The following LUC7L variants were observed in gnomAD, a reference collection of about 807,000 sequenced individuals.
LUC7L encodes the protein putative RNA-binding protein Luc7-like 1.
A neutral mutation model predicts 51.1 loss-of-function variants in LUC7L; 29 were observed. The ratio of observed to expected loss-of-function variants is 0.57; its 90% CI spans 0.42 to 0.77. The LOEUF (loss-of-function observed/expected upper bound fraction) is 0.77, where lower values mean the gene tolerates loss of function less well. Ranked by LOEUF, LUC7L falls within the 30% of genes least tolerant of loss-of-function variation. The pLI, the probability that LUC7L is intolerant of heterozygous loss-of-function variation, is 0.00. For missense variants in LUC7L, 403 were observed against 511.9 expected (o/e 0.79, Z 2.05); for synonymous variants, 181 against 180.7 (o/e 1.00, Z -0.01).
chr16:202,526 T>A (rs1457681434), intron 5 of LUC7L, among the ~76,000 whole-genome samples: 1 of 152,188 alleles, frequency 6.6e-6, no homozygotes, highest in Non-Finnish European at 1.5e-5. Context: ...GGGCCCACTG[T>A]GTTGCAACTG....
intron 5 of LUC7L, among the ~76,000 whole-genome samples, chr16:205,712 C>A (rs2049465082): frequency 6.6e-6 from 1 of 152,202 alleles, no homozygotes; most frequent in African/African-American, 2.4e-5. Context: ...TCCTCAGCCT[C>A]CGGAGCAGCT....
intron 3 of LUC7L, among the ~76,000 whole-genome samples, chr16:210,907 C>T (rs1344944170): frequency 2.6e-5 from 4 of 151,748 alleles, no homozygotes; most frequent in Admixed American, 6.6e-5. Flanking sequence ...AAAAATTAGC[C>T]GGGCGTGGTG....
chr16:198,427 G>T (rs1455792878), intron 6 of LUC7L, among the ~76,000 whole-genome samples: 1 of 152,034 alleles, frequency 6.6e-6, no homozygotes, highest in Non-Finnish European at 1.5e-5. Flanking sequence ...CATAGGCAAG[G>T]AGCCAGGATG....
chr16:189,542 T>G, intron 9 of LUC7L: 2 of 1,388,844 alleles, frequency 1.4e-6, no homozygotes, highest in Non-Finnish European at 1.9e-6. Flanking sequence ...CGAAGATTTT[T>G]AATAAGGAGA....
intron 3 of LUC7L, among the ~76,000 whole-genome samples, chr16:219,165 C>T (rs577999509): frequency 3.3e-5 from 5 of 151,556 alleles, no homozygotes; most frequent in East Asian, 1.9e-4. Context: ...CCGAGGCAGG[C>T]GGATCACAAG....
chr16:210,517 G>C (rs953266712), intron 3 of LUC7L, among the ~76,000 whole-genome samples: 1 of 152,114 alleles, frequency 6.6e-6, no homozygotes, highest in Non-Finnish European at 1.5e-5. Flanking sequence ...GCTTACCTCA[G>C]ACAACAGCCC....
intron 6 of LUC7L, among the ~76,000 whole-genome samples, chr16:198,142 G>A (rs1196993634): frequency 6.6e-6 from 1 of 151,810 alleles, no homozygotes; most frequent in Non-Finnish European, 1.5e-5. Flanking sequence ...AGCCGGGCGT[G>A]GTGGCAGGCA....
chr16:209,290 G>A (rs2049572449), intron 3 of LUC7L: 1 of 152,174 alleles, frequency 6.6e-6, no homozygotes, highest in Non-Finnish European at 1.5e-5. Context: ...AGAGGTTCAA[G>A]ACCAGCCTTC....
intron 1 of LUC7L, chr16:227,932 C>G: frequency 1.0e-6 from 1 of 1,002,638 alleles, no homozygotes; most frequent in Non-Finnish European, 1.2e-6. Context: ...CCAAAAAAAG[C>G]AAAAAAGGAA....
chr16:198,694 GT>G (rs959447666), intron 6 of LUC7L, among the ~76,000 whole-genome samples: 9 of 147,744 alleles, frequency 6.1e-5, no homozygotes, highest in Admixed American at 2.0e-4. Flanking sequence ...AATGTTTTTT[GT>G]TTTTTTTTTG....
chr16:192,463 GTGTTT>G (rs953207114), intron 7 of LUC7L, among the ~76,000 whole-genome samples: 18 of 150,056 alleles, frequency 1.2e-4, no homozygotes, highest in African/African-American at 3.9e-4. Context: ...GCGCTGGGAC[GTGTTT>G]TGTTTTGTTT....
chr16:197,619 G>C (rs949393531), intron 6 of LUC7L, among the ~76,000 whole-genome samples: 1 of 152,178 alleles, frequency 6.6e-6, no homozygotes, highest in East Asian at 1.9e-4. Flanking sequence ...AATGTTTCAA[G>C]ACCAGTGGCC....
chr16:217,207 G>C (rs2049827513), intron 3 of LUC7L, among the ~76,000 whole-genome samples: 1 of 151,900 alleles, frequency 6.6e-6, no homozygotes, highest in South Asian at 2.1e-4. Flanking sequence ...AGAAGAGGCA[G>C]CGTTTCACCA....
chr16:221,392 T>A (rs948809606), intron 2 of LUC7L, among the ~76,000 whole-genome samples: 2 of 151,838 alleles, frequency 1.3e-5, no homozygotes, highest in African/African-American at 2.4e-5. Flanking sequence ...TGGCAGCATG[T>A]GGGGTGGCAG....
chr16:200,593 T>A (rs2049295980), intron 5 of LUC7L, among the ~76,000 whole-genome samples: 1 of 151,550 alleles, frequency 6.6e-6, no homozygotes, highest in African/African-American at 2.4e-5. Flanking sequence ...AAAAAAATTG[T>A]ATTCCAGGCC....
intron 2 of LUC7L, 86 bp from the exon 3 acceptor site, chr16:220,833 C>T: frequency 1.2e-6 from 1 of 814,284 alleles, no homozygotes; most frequent in Admixed American, 2.2e-5. Context: ...CAACTGTCAC[C>T]AACAGAAATG....
chr16:189,417 C>G (rs879463401), intron 9 of LUC7L, 78 bp from the exon 10 acceptor site: 4 of 1,509,334 alleles, frequency 2.7e-6, no homozygotes, highest in Non-Finnish European at 1.8e-6. Context: ...ACGATGGACC[C>G]GCAGACCAGG....
chr16:196,859 T>C (rs1033758307), intron 6 of LUC7L, among the ~76,000 whole-genome samples: 3 of 151,142 alleles, frequency 2.0e-5, no homozygotes, highest in Non-Finnish European at 4.4e-5. Flanking sequence ...GGTAAATGCA[T>C]ACTAAATTGT....
intron 2 of LUC7L, among the ~76,000 whole-genome samples, chr16:222,463 C>G (rs1258922718): frequency 2.0e-5 from 3 of 151,902 alleles, no homozygotes; most frequent in East Asian, 3.9e-4. Flanking sequence ...CATAGCAAGA[C>G]CCTGTCTCTA....
Sources: allele counts gnomAD v4.1 joint callset (sites outside exome capture counted in the v4.1 genomes callset), GRCh38; gene constraint gnomAD v4.1.1; transcripts MANE v1.5; gene names NCBI Gene and HGNC (gene_info 2026-07-23, HGNC 2026-07-21).